The following MGRN1 variants were observed in gnomAD, a reference collection of about 807,000 sequenced individuals.
The protein encoded by MGRN1 is mahogunin ring finger 1.
Under a neutral mutation model 69.2 loss-of-function variants are expected in MGRN1, and 29 were observed. The ratio of observed to expected loss-of-function variants is 0.42; its 90% CI spans 0.31 to 0.57. The LOEUF is 0.57. MGRN1 is among the 20% of genes least tolerant of loss of function. The pLI is 0.15. For synonymous variants in MGRN1, 470 were observed against 344.2 expected, an observed-to-expected ratio of 1.37 and a Z score of -4.04; for missense variants, 998 against 796.2, an observed-to-expected ratio of 1.25 and a Z score of -3.05.
At chr16:4,642,225 G>T (rs542601569) in intron 1 of MGRN1, among the ~76,000 whole-genome samples, 11 of 151,740 alleles carry the variant, frequency 7.2e-5, no homozygotes, top group African/African-American at 2.4e-4. Context: ...CTGCCTCTTG[G>T]GTTCGAGAGA....
At chr16:4,647,459 GTTCT>G (rs906276384) in intron 1 of MGRN1, among the ~76,000 whole-genome samples, 17 of 152,342 alleles carry the variant, frequency 1.1e-4, no homozygotes, top group African/African-American at 3.6e-4. Context: ...TACTGCAGGT[GTTCT>G]TTCTTTCTTT....
At position 4,636,804 on chromosome 16, in the gene MGRN1, T is replaced by G. The variant is rs368304133; in HGVS notation, c.88+11756T>G. ...TTTCTTGTCCTGCTGTTGAAGTGCC[T>G]TGTGAAGTCTTTTACACATTAAAAC... On this transcript the variant is annotated intron_variant, in intron 1 of 16. Coordinates refer to ENST00000262370, the MANE Select transcript of MGRN1 (RefSeq NM_015246.4). Among the ~76,000 whole-genome samples, 17 of 152,254 alleles carry G rather than the reference T, an allele frequency of 1.1e-4. No individual in the cohort carries two copies. In the East Asian group the frequency reaches 3.3e-3, roughly 29 times the overall value.
intron 16 of MGRN1, chr16:4,686,846 T>G (rs534321310): frequency 3.2e-5 from 32 of 985,756 alleles, no homozygotes; most frequent in Non-Finnish European, 3.7e-5. Context: ...GCTTTAACAA[T>G]TCATGGGGAA....
At chr16:4,659,834 C>A (rs1220144374) in intron 5 of MGRN1, among the ~76,000 whole-genome samples, 1 of 152,190 alleles carries the variant, frequency 6.6e-6, no homozygotes, top group East Asian at 1.9e-4. Flanking sequence ...CCTGAGATTT[C>A]TTCCAGGGCC....
intron 8 of MGRN1, among the ~76,000 whole-genome samples, chr16:4,669,412 T>C (rs1229152277): frequency 8.3e-6 from 1 of 120,720 alleles, no homozygotes; most frequent in Non-Finnish European, 1.7e-5. Flanking sequence ...CCAGCCTGGG[T>C]GACAGAGGAA....
In MGRN1 at chr16:4,642,128, C is replaced by CTTTTT. The variant is rs34264611; in HGVS notation, c.89-8223_89-8219dup. On this transcript the variant is annotated intron_variant, in intron 1 of 16. Coordinates refer to ENST00000262370, the MANE Select transcript of MGRN1 (RefSeq NM_015246.4). ...TCCCTGTCAGCATATGACTTGGTTC[C>CTTTTT]TTTTTTTTTTTTTTTTTTAAAAAAG... is the stretch of plus-strand genomic sequence containing the variant. 3.6e-3 allele frequency among the ~76,000 whole-genome samples: 460 copies of CTTTTT among 128,750 alleles called. 5 individuals are homozygous for CTTTTT. The highest frequency in any genetic ancestry group is 0.013 in the African/African-American group (439 of 32,936). 84.5% of individuals were successfully genotyped at this position (128,750 alleles called of 152,430 possible). A position where few individuals can be genotyped will look rare whatever the true frequency, so the allele number is the denominator to read the frequency against.
At chr16:4,625,960 G>T (rs1276396760) in intron 1 of MGRN1, among the ~76,000 whole-genome samples, 1 of 152,188 alleles carries the variant, frequency 6.6e-6, no homozygotes, top group Non-Finnish European at 1.5e-5. Flanking sequence ...GGTGTCTCCG[G>T]ACACCCACAG....
intron 16 of MGRN1, among the ~76,000 whole-genome samples, chr16:4,685,811 C>A (rs188365255): frequency 6.6e-6 from 1 of 152,228 alleles, no homozygotes; most frequent in South Asian, 2.1e-4. Flanking sequence ...AGGGGTGCAG[C>A]CGCTGCCTGG....
chr16:4,646,178 C>T (rs1320189091), intron 1 of MGRN1, among the ~76,000 whole-genome samples: 1 of 152,112 alleles, frequency 6.6e-6, no homozygotes, highest in Non-Finnish European at 1.5e-5. Context: ...CGCCTGTAAT[C>T]CCAGCACTTT....
At chr16:4,686,532 C>T (rs1009977922) in intron 16 of MGRN1, 14 of 1,375,206 alleles carry the variant, frequency 1.0e-5, no homozygotes, top group African/African-American at 5.9e-5. Context: ...GAGGTCTCTC[C>T]ATCTGGACTA....
chr16:4,663,744 G>A (rs2078737281), intron 5 of MGRN1, among the ~76,000 whole-genome samples: 1 of 152,222 alleles, frequency 6.6e-6, no homozygotes, highest in African/African-American at 2.4e-5. Flanking sequence ...GACGTGGCCT[G>A]TAGAGAGTAG....
intron 9 of MGRN1, among the ~76,000 whole-genome samples, chr16:4,672,784 C>T (rs2078968023): frequency 6.6e-6 from 1 of 152,224 alleles, no homozygotes; most frequent in African/African-American, 2.4e-5. Context: ...AATGTGGTTT[C>T]TGGTAGCTGC....
At chr16:4,634,051 G>A (rs1898152434) in intron 1 of MGRN1, among the ~76,000 whole-genome samples, 1 of 152,208 alleles carries the variant, frequency 6.6e-6, no homozygotes, top group Admixed American at 6.5e-5. Context: ...AGCTGCCATT[G>A]GGGGCAACCC....
At chr16:4,628,542 G>C (rs879863382) in intron 1 of MGRN1, among the ~76,000 whole-genome samples, 1 of 151,790 alleles carries the variant, frequency 6.6e-6, no homozygotes, top group Non-Finnish European at 1.5e-5. Flanking sequence ...GCCCATCAGC[G>C]ATCTGCTTTC....
intron 1 of MGRN1, among the ~76,000 whole-genome samples, chr16:4,643,867 ATG>A (rs2078216701): frequency 6.6e-6 from 1 of 152,226 alleles, no homozygotes; most frequent in Non-Finnish European, 1.5e-5. Flanking sequence ...CATTGGAAAT[ATG>A]TCTCTTGAGT....
chr16:4,627,040 C>T (rs1032180241), intron 1 of MGRN1, among the ~76,000 whole-genome samples: 2 of 152,152 alleles, frequency 1.3e-5, no homozygotes, highest in Admixed American at 6.6e-5. Context: ...CACTGGTTTC[C>T]TAGACTCCCC....
intron 10 of MGRN1, 123 bp downstream of exon 10, chr16:4,673,780 A>G (rs528576915): frequency 7.1e-6 from 9 of 1,276,486 alleles, no homozygotes; most frequent in East Asian, 5.0e-5. Flanking sequence ...GTTGTCATTC[A>G]TCTAGTCTGT....
chr16:4,664,815 G>C, intron 6 of MGRN1, 40 bp downstream of exon 6: 1 of 1,608,102 alleles, frequency 6.2e-7, no homozygotes, highest in South Asian at 1.1e-5. Context: ...CGTGCAGGCC[G>C]TGCAGGGAGG....
At chr16:4,645,961 T>C (rs13337461) in intron 1 of MGRN1, among the ~76,000 whole-genome samples, 15,902 of 151,780 alleles carry the variant, frequency 0.1, 1,891 homozygotes, top group African/African-American at 0.29. Flanking sequence ...GAATTGGGAG[T>C]CAGGAGAGGA....
Sources: gnomAD v4.1 joint callset for allele counts (sites outside exome capture counted in the v4.1 genomes callset) on GRCh38, gnomAD v4.1.1 for gene constraint, MANE v1.5 for transcripts, NCBI Gene and HGNC (gene_info 2026-07-23, HGNC 2026-07-21) for gene names.